Variants in NME7 observed in about 807,000 individuals in gnomAD.
The protein encoded by NME7 is NME/NM23 family member 7.
NME7 carries 41 observed loss-of-function variants against 49.1 expected under a neutral mutation model. The observed-to-expected ratio is 0.83, with a 90% CI of 0.65 to 1.08. The LOEUF is 1.08. NME7 is among the 50% of genes least tolerant of loss of function. The pLI, the probability that NME7 is intolerant of heterozygous loss-of-function variation, is 0.00. For missense variants in NME7, 423 were observed against 463.4 expected (o/e 0.91, Z 0.80); for synonymous variants, 139 against 150.6 (o/e 0.92, Z 0.56).
intron 11 of NME7, among the ~76,000 whole-genome samples, chr1:169,133,087 G>GT (rs1658295390): frequency 1.3e-5 from 2 of 149,268 alleles, no homozygotes; most frequent in Admixed American, 6.7e-5. Flanking sequence ...AGACATATGT[G>GT]TTAAAAAAAA....
At chr1:169,188,743 C>T (rs982786588) in intron 10 of NME7, among the ~76,000 whole-genome samples, 20 of 152,198 alleles carry the variant, frequency 1.3e-4, no homozygotes, top group Admixed American at 6.5e-4. Context: ...TCCTATATTG[C>T]ACCAGCTGTG....
At chr1:169,254,990 G>A (rs530566237) in intron 7 of NME7, among the ~76,000 whole-genome samples, 1,546 of 133,930 alleles carry the variant, frequency 0.012, 167 homozygotes, top group African/African-American at 0.036. Context: ...CCAACTATGC[G>A]GTCAATTTTG....
At chr1:169,189,524 A>T (rs1004308874) in intron 10 of NME7, among the ~76,000 whole-genome samples, 1 of 152,166 alleles carries the variant, frequency 6.6e-6, no homozygotes, top group Non-Finnish European at 1.5e-5. Context: ...GCAACAGGAT[A>T]AAGAGCAAGT....
At chr1:169,189,450 C>A (rs372554445) in intron 10 of NME7, among the ~76,000 whole-genome samples, 7 of 152,226 alleles carry the variant, frequency 4.6e-5, no homozygotes, top group African/African-American at 1.7e-4. Flanking sequence ...AAAATCAGTG[C>A]TGTGGGCTCA....
chr1:169,279,226 C>T (rs1332546583), intron 7 of NME7, among the ~76,000 whole-genome samples: 1 of 152,214 alleles, frequency 6.6e-6, no homozygotes, highest in Non-Finnish European at 1.5e-5. Flanking sequence ...AGCTGTCAGA[C>T]AGGGACATTT....
At chr1:169,183,720 T>C (rs1479192360) in intron 10 of NME7, among the ~76,000 whole-genome samples, 1 of 151,912 alleles carries the variant, frequency 6.6e-6, no homozygotes, top group Non-Finnish European at 1.5e-5. Flanking sequence ...GAGAATGGCG[T>C]GAACCCGGGA....
At chr1:169,326,142 G>A (rs1030256460) in intron 1 of NME7, among the ~76,000 whole-genome samples, 28 of 152,066 alleles carry the variant, frequency 1.8e-4, no homozygotes, top group African/African-American at 6.5e-4. Context: ...AAAAATCCAC[G>A]AAACCTGGTA....
At chr1:169,346,833 T>A (rs185964121) in intron 1 of NME7, among the ~76,000 whole-genome samples, 114 of 152,328 alleles carry the variant, frequency 7.5e-4, no homozygotes, top group African/African-American at 2.6e-3. Context: ...CTAGCTATCA[T>A]CAATTGAAAT....
At chr1:169,132,935 T>A in intron 11 of NME7, 118 bp from the exon 12 acceptor site, 1 of 646,348 alleles carries the variant, frequency 1.5e-6, no homozygotes, top group Non-Finnish European at 2.7e-6. Flanking sequence ...CCAAAGACAC[T>A]AAAAGTTAAT....
At chr1:169,258,397 TATATATATACAC>T (rs1313576012) in intron 7 of NME7, among the ~76,000 whole-genome samples, 13 of 82,614 alleles carry the variant, frequency 1.6e-4, no homozygotes, top group African/African-American at 5.5e-4. Flanking sequence ...TATATATATA[TATATATATACAC>T]ACACACACAC....
chr1:169,292,350 T>C (rs768149319), intron 6 of NME7, among the ~76,000 whole-genome samples: 1 of 152,232 alleles, frequency 6.6e-6, no homozygotes, highest in African/African-American at 2.4e-5. Flanking sequence ...AAGTAAAAAT[T>C]GCTCATCCAA....
At chr1:169,262,481 T>C (rs1419634822) in intron 7 of NME7, among the ~76,000 whole-genome samples, 2 of 134,358 alleles carry the variant, frequency 1.5e-5, no homozygotes, top group East Asian at 4.0e-4. Flanking sequence ...GATGGTAGAC[T>C]GGAAGTAGTT....
rs141314507 is a variant in NME7, at chr1:169,162,431, C to T, written c.1098+7016G>A. Among the ~76,000 whole-genome samples, 673 of 151,614 alleles carry T rather than the reference C, an allele frequency of 4.4e-3. 4 individuals carry two copies. The highest frequency in any genetic ancestry group is 0.016 in the African/African-American group (651 of 41,378). On this transcript the variant is annotated intron_variant, in intron 11 of 11. Transcript: ENST00000367811. ...AAACAGGAAAGACCTATGTTTTCAT[C>T]ATCCTATAAAATATTTGCTATACAT...
At chr1:169,220,673 T>A (rs772063282) in intron 10 of NME7, among the ~76,000 whole-genome samples, 24 of 152,204 alleles carry the variant, frequency 1.6e-4, no homozygotes, top group South Asian at 2.1e-4. Flanking sequence ...TAACTTTTTT[T>A]ATATATACTC....
intron 7 of NME7, among the ~76,000 whole-genome samples, chr1:169,254,674 C>A (rs1648829669): frequency 6.8e-6 from 1 of 146,238 alleles, no homozygotes; most frequent in Non-Finnish European, 1.5e-5. Context: ...AATTTTGGAT[C>A]TTTCCTGCTT....
intron 7 of NME7, among the ~76,000 whole-genome samples, chr1:169,238,139 T>C (rs1469684359): frequency 6.6e-6 from 1 of 151,820 alleles, no homozygotes. Flanking sequence ...ATGAAAAGCA[T>C]GAATGGTCCT....
chr1:169,310,353 T>C (rs1651337288), intron 3 of NME7, among the ~76,000 whole-genome samples: 1 of 152,142 alleles, frequency 6.6e-6, no homozygotes, highest in Non-Finnish European at 1.5e-5. Flanking sequence ...TATATCCAAA[T>C]GAGAAAACAC....
rs921204518 is a variant in NME7 at position 169,230,961 on chromosome 1, A to G, written c.889-142T>C. The stretch of plus-strand genomic sequence containing the variant: ...ATATCCCACATATCAAGCAGTTCCC[A>G]AATTCTGTCCATTTTTCCTTGAAGA... On this transcript the variant is annotated intron_variant, in intron 9 of 11. Coordinates refer to ENST00000367811, the MANE Select transcript of NME7 (RefSeq NM_013330.5). The G allele has an allele frequency of 5.3e-4, 255 of 479,752 alleles. 1 individual carries two copies. Among genetic ancestry groups the G allele is most frequent in the Non-Finnish European group, 7.6e-4 (208 of 272,234 alleles). 29.7% of individuals were successfully genotyped at this position (479,752 alleles called of 1,614,324 possible).
intron 10 of NME7, among the ~76,000 whole-genome samples, chr1:169,216,533 T>C (rs1202085045): frequency 6.6e-6 from 1 of 152,262 alleles, no homozygotes; most frequent in Non-Finnish European, 1.5e-5. Flanking sequence ...ATATCCTTTA[T>C]AATAAAGCAG....
Sources: gnomAD v4.1 joint callset for allele counts (sites outside exome capture counted in the v4.1 genomes callset) on GRCh38, gnomAD v4.1.1 for gene constraint, MANE v1.5 for transcripts, NCBI Gene and HGNC (gene_info 2026-07-23, HGNC 2026-07-21) for gene names.